The following CSGALNACT1 variants were observed in gnomAD, a reference collection of about 807,000 sequenced individuals.
The protein encoded by CSGALNACT1 is beta4GalNAcT-1.
A neutral mutation model predicts 51.0 loss-of-function variants in CSGALNACT1; 52 were observed. That is an observed-to-expected ratio of 1.02 (90% CI 0.82 to 1.29). CSGALNACT1 has a LOEUF of 1.29. Ranked by LOEUF, CSGALNACT1 falls within the 50% of genes most tolerant of loss-of-function variation. CSGALNACT1 has a pLI of 0.00. For missense variants in CSGALNACT1, 935 were observed against 679.2 expected, an observed-to-expected ratio of 1.38 and a Z score of -4.19; for synonymous variants, 341 against 254.4, an observed-to-expected ratio of 1.34 and a Z score of -3.24.
intron 1 of CSGALNACT1, among the ~76,000 whole-genome samples, chr8:19,690,830 G>C (rs1191905125): frequency 6.6e-6 from 1 of 152,180 alleles, no homozygotes; most frequent in Non-Finnish European, 1.5e-5. Flanking sequence ...ATTAGAGTTT[G>C]TTGTTCAGAT....
chr8:19,479,375 AACCAGGATTCTC>A (rs2070719649), intron 4 of CSGALNACT1, among the ~76,000 whole-genome samples: 1 of 152,214 alleles, frequency 6.6e-6, no homozygotes, highest in South Asian at 2.1e-4. Flanking sequence ...CCATGGTGAG[AACCAGGATTCTC>A]AAAGAGCCAT....
upstream of CSGALNACT1, among the ~76,000 whole-genome samples, chr8:19,606,416 A>G (rs2154149057): frequency 6.6e-6 from 1 of 152,336 alleles, no homozygotes; most frequent in Non-Finnish European, 1.5e-5. Flanking sequence ...ATGTCTCAGA[A>G]AAGAAAGGCC....
intron 3 of CSGALNACT1, among the ~76,000 whole-genome samples, chr8:19,529,960 C>T (rs2082417550): frequency 6.6e-6 from 1 of 152,078 alleles, no homozygotes. Context: ...GTGGCTCACG[C>T]CTGTAATCCT....
At position 19,494,198 on chromosome 8, in the gene CSGALNACT1, C is replaced by A. The variant is rs192732707; in HGVS notation, c.634+11003G>T. 2.2e-3 allele frequency among the ~76,000 whole-genome samples: 328 copies of A among 152,260 alleles called. 5 individuals are homozygous for A. The highest frequency in any genetic ancestry group is 0.02 in the Admixed American group (300 of 15,286). On this transcript the variant is annotated intron_variant, in intron 4 of 9. Coordinates refer to ENST00000454498, the Ensembl canonical transcript of CSGALNACT1. Reference sequence around the variant, plus strand: ...AAACCTATTATGTTCCTCCTTGATGCGCCAGCACTAACTGGTTACCTATGG... The same window carrying A: ...AAACCTATTATGTTCCTCCTTGATGAGCCAGCACTAACTGGTTACCTATGG...
intron 3 of CSGALNACT1, among the ~76,000 whole-genome samples, chr8:19,588,637 G>A (rs941951272): frequency 3.3e-5 from 5 of 152,230 alleles, no homozygotes; most frequent in Non-Finnish European, 7.4e-5. Context: ...AAGAACCCCC[G>A]CCTTCATGAA....
chr8:19,468,169 T>C (rs1195190329), intron 4 of CSGALNACT1, among the ~76,000 whole-genome samples: 4 of 72,072 alleles, frequency 5.6e-5, no homozygotes, highest in Non-Finnish European at 1.0e-4. Context: ...GACAGTTTGA[T>C]AGCAGATGTT....
At chr8:19,666,505 C>T (rs536769043) in intron 1 of CSGALNACT1, among the ~76,000 whole-genome samples, 66 of 151,786 alleles carry the variant, frequency 4.3e-4, no homozygotes, top group African/African-American at 1.4e-3. Context: ...ACCAGCCTGG[C>T]CATCATGATG....
intron 3 of CSGALNACT1, among the ~76,000 whole-genome samples, chr8:19,555,374 T>C (rs1286796112): frequency 2.0e-5 from 3 of 152,162 alleles, no homozygotes; most frequent in African/African-American, 7.2e-5. Flanking sequence ...TTTGTTGTGA[T>C]GCAGGCGAAG....
chr8:19,639,415 A>G (rs561669267), intron 1 of CSGALNACT1, among the ~76,000 whole-genome samples: 1 of 152,280 alleles, frequency 6.6e-6, no homozygotes, highest in East Asian at 1.9e-4. Flanking sequence ...ATTTTCTAAT[A>G]TTTTCATTGC....
At chr8:19,726,239 A>G (rs1276600600) in intron 1 of CSGALNACT1, among the ~76,000 whole-genome samples, 1 of 152,226 alleles carries the variant, frequency 6.6e-6, no homozygotes, top group African/African-American at 2.4e-5. Flanking sequence ...ATTTTAAAAC[A>G]ATAATATATA....
intron 1 of CSGALNACT1, among the ~76,000 whole-genome samples, chr8:19,630,097 C>T (rs752785936): frequency 3.3e-5 from 5 of 152,064 alleles, no homozygotes; most frequent in South Asian, 2.1e-4. Context: ...CAGGCCAACA[C>T]GGGCCGAATG....
intron 3 of CSGALNACT1, among the ~76,000 whole-genome samples, chr8:19,525,615 CAAAAAAAAAA>C (rs34787475): frequency 8.3e-4 from 17 of 20,382 alleles, no homozygotes; most frequent in South Asian, 3.2e-3. Flanking sequence ...AAACTTGTCC[CAAAAAAAAAA>C]AAAAAAAAAA....
intron 6 of CSGALNACT1, among the ~76,000 whole-genome samples, chr8:19,428,624 C>T (rs113451149): frequency 1.3e-3 from 192 of 152,186 alleles, no homozygotes; most frequent in African/African-American, 4.2e-3. Flanking sequence ...GGTAAGCTGC[C>T]CTACATAAGG....
chr8:19,440,039 T>C, intron 5 of CSGALNACT1, 108 bp from the exon 5 acceptor site: 1 of 894,814 alleles, frequency 1.1e-6, no homozygotes, highest in East Asian at 2.5e-5. Flanking sequence ...GGAAACTAGG[T>C]AAACTTCCAG....
chr8:19,503,438 T>G (rs1043817705), intron 4 of CSGALNACT1, among the ~76,000 whole-genome samples: 1 of 152,210 alleles, frequency 6.6e-6, no homozygotes, highest in African/African-American at 2.4e-5. Flanking sequence ...ATTTCAAATA[T>G]GAATGCAGAT....
intron 4 of CSGALNACT1, among the ~76,000 whole-genome samples, chr8:19,495,555 A>T (rs1331033255): frequency 6.6e-6 from 1 of 152,186 alleles, no homozygotes; most frequent in Non-Finnish European, 1.5e-5. Flanking sequence ...CCCTCCCCAC[A>T]AGACAGGGAG....
intron 5 of CSGALNACT1, among the ~76,000 whole-genome samples, chr8:19,450,130 G>T: frequency 1.1e-5 from 1 of 90,960 alleles, no homozygotes; most frequent in Non-Finnish European, 2.2e-5. Context: ...AGAAGAGGAG[G>T]AGGTGGAGGG....
At chr8:19,445,191 C>T (rs866544870) in intron 5 of CSGALNACT1, among the ~76,000 whole-genome samples, 1 of 152,200 alleles carries the variant, frequency 6.6e-6, no homozygotes, top group Non-Finnish European at 1.5e-5. Flanking sequence ...ATCCTCTGTA[C>T]ATAAAAGATC....
chr8:19,404,984 T>G (rs772161859), exon 10 of CSGALNACT1: 18 of 453,984 alleles, frequency 4.0e-5, no homozygotes, highest in Non-Finnish European at 7.9e-5. Flanking sequence ...ATTTGGCATG[T>G]CCTTGGATAT....
Sources: gnomAD v4.1 joint callset for allele counts (sites outside exome capture counted in the v4.1 genomes callset) on GRCh38, gnomAD v4.1.1 for gene constraint, MANE v1.5 for transcripts, NCBI Gene and HGNC (gene_info 2026-07-23, HGNC 2026-07-21) for gene names.